Variants in LRRC74B observed in about 807,000 individuals in gnomAD.
LRRC74B encodes the protein leucine rich repeat containing 74B.
In LRRC74B, 30 loss-of-function variants were observed where a neutral mutation model predicts 16.6. The observed-to-expected ratio is 1.80, with a 90% confidence interval of 1.35 to 2.45. The LOEUF is 2.45. LRRC74B is among the 30% of genes most tolerant of loss of function. LRRC74B has a pLI of 0.00. For synonymous variants in LRRC74B, 134 were observed against 86.0 expected, an observed-to-expected ratio of 1.56 and a Z score of -3.09; for missense variants, 326 against 202.4, an observed-to-expected ratio of 1.61 and a Z score of -3.71.
rs773606608 is a variant in LRRC74B, at chr22:21,047,341, CCT to C, written c.140-14_140-13del. The stretch of plus-strand genomic sequence containing the variant: ...GCTGTGCAGGGTCCACATTCGTCCC[CCT>C]GTCTCCTGCCAGGCACCGATGGGCT... On this transcript the variant is annotated splice_polypyrimidine_tract_variant and intron_variant, in intron 1 of 8. Transcript: ENST00000442047. 94 of 716,656 alleles carry C rather than the reference CCT, an allele frequency of 1.3e-4. 3 individuals are homozygous for C. The South Asian group carries it at 1.3e-3, about 10-fold the overall frequency. 44.4% of individuals were successfully genotyped at this position (716,656 alleles called of 1,614,324 possible).
exon 2 of LRRC74B, chr22:21,047,463 G>C (rs753173050): frequency 3.8e-5 from 27 of 717,396 alleles, no homozygotes; most frequent in Non-Finnish European, 6.0e-5. Flanking sequence ...GAGCGCCCAA[G>C]AGCTGAACCT....
In LRRC74B at chr22:21,055,922, A is replaced by G. The variant is rs1265171507; in HGVS notation, c.927+746A>G. On this transcript the variant is annotated intron_variant, in intron 7 of 8. Coordinates refer to ENST00000442047, the Ensembl canonical transcript of LRRC74B. ...CAACCTGAACGCATACCCCCCTCTA[A>G]GGGCCACCTCCTGGTGGGGGGCTCC... Among the ~76,000 whole-genome samples the G allele has an allele frequency of 3.3e-5, 5 of 152,056 alleles. No homozygotes were observed. The East Asian group carries it at 7.7e-4, about 24-fold the overall frequency.
intron 1 of LRRC74B, among the ~76,000 whole-genome samples, 174 bp downstream of exon 1, chr22:21,046,299 T>C (rs917734713): frequency 7.4e-6 from 1 of 135,452 alleles, no homozygotes; most frequent in African/African-American, 2.7e-5. Flanking sequence ...AAATGCAAAA[T>C]CCCGCCAGAC....
At chr22:21,053,297 G>A (rs1281253903) in intron 5 of LRRC74B, 63 bp from the exon 6 acceptor site, 2 of 694,336 alleles carry the variant, frequency 2.9e-6, no homozygotes, top group East Asian at 2.7e-5. Flanking sequence ...CTCTGAGGCT[G>A]TGGCACCCTG....
chr22:21,051,574 C>T (rs1178962755), intron 4 of LRRC74B, among the ~76,000 whole-genome samples: 1 of 152,144 alleles, frequency 6.6e-6, no homozygotes, highest in East Asian at 1.9e-4. Context: ...GTCCCCCAGC[C>T]TCTTGCCTCT....
intron 6 of LRRC74B, 49 bp from the exon 7 acceptor site, chr22:21,055,049 C>T (rs1156408118): frequency 1.4e-5 from 10 of 711,622 alleles, no homozygotes; most frequent in African/African-American, 3.5e-5. Flanking sequence ...GGCTCTGCAC[C>T]GCTGCTTGGA....
intron 7 of LRRC74B, chr22:21,056,655 A>G (rs1280454818): frequency 5.8e-6 from 1 of 172,192 alleles, no homozygotes; most frequent in East Asian, 1.7e-4. Flanking sequence ...ACTATTTTTC[A>G]CCCCTGCCTT....
At chr22:21,053,908 T>G (rs1569199267) in intron 6 of LRRC74B, 1 of 153,918 alleles carries the variant, frequency 6.5e-6, no homozygotes, top group Non-Finnish European at 1.4e-5. Flanking sequence ...TCATCGTTGT[T>G]ACATAGAGAC....
At chr22:21,057,888 T>C (rs1699543144) in intron 8 of LRRC74B, among the ~76,000 whole-genome samples, 3 of 133,302 alleles carry the variant, frequency 2.3e-5, no homozygotes, top group Admixed American at 2.2e-4. Context: ...TCAATTTTGA[T>C]TTTTTTTTTT....
At chr22:21,055,664 C>G (rs981192108) in intron 7 of LRRC74B, among the ~76,000 whole-genome samples, 34 of 152,138 alleles carry the variant, frequency 2.2e-4, no homozygotes, top group African/African-American at 7.2e-4. Context: ...CAGGGGACCA[C>G]TGTGCCCACA....
chr22:21,048,214 C>A lies in LRRC74B; in HGVS notation c.415+198C>A, dbSNP rs1163260924. On this transcript the variant is annotated intron_variant, in intron 3 of 8. Transcript: ENST00000442047. ...GTGCAGCCGATGCCTGATAGAAGTC[C>A]TTTCCTCACCCACCCCACACCATCA... 1.9e-5 allele frequency: 11 copies of A among 576,012 alleles called. No homozygotes were observed. The East Asian group carries it at 3.3e-4, about 17-fold the overall frequency. 35.7% of individuals were successfully genotyped at this position (576,012 alleles called of 1,614,324 possible). A position where few individuals can be genotyped will look rare whatever the true frequency, so the allele number is the denominator to read the frequency against.
intron 4 of LRRC74B, among the ~76,000 whole-genome samples, chr22:21,050,033 G>A (rs542273452): frequency 6.6e-6 from 1 of 152,124 alleles, no homozygotes; most frequent in South Asian, 2.1e-4. Flanking sequence ...CAGGAGAATC[G>A]TCTTTTTATT....
intron 5 of LRRC74B, 25 bp downstream of exon 5, chr22:21,052,383 C>A: frequency 1.4e-6 from 1 of 717,002 alleles, no homozygotes. Context: ...CCTAGTCGGC[C>A]CTACAGCCTG....
chr22:21,063,023 C>G (rs1930885331), downstream of LRRC74B: 1 of 141,972 alleles, frequency 7.0e-6, no homozygotes, highest in African/African-American at 2.7e-5. Context: ...AGAGTGGGAA[C>G]CTGTCTCGAA....
chr22:21,048,189 G>A (rs1282463750), intron 3 of LRRC74B, 173 bp downstream of exon 3: 3 of 609,484 alleles, frequency 4.9e-6, no homozygotes, highest in African/African-American at 1.8e-5. Flanking sequence ...ACCCTCTGCT[G>A]TGCAGCCGAT....
Position 21,053,363 on chromosome 22 carries a change from A to G in LRRC74B, c.736A>G (p.Asn246Asp), listed in dbSNP as rs747664013. ...ACTTCACTCTTTGGTATTCTAGGCA[A>G]ACATCTTCCTTAAAGTTCTAGACAT... Residue 246 changes from asparagine (N) to aspartate (D), a missense_variant, in exon 6 of 9, where the codon AAC becomes GAC. Transcript: ENST00000442047. 1.1e-4 allele frequency: 77 copies of G among 716,778 alleles called. 1 individual carries two copies. In the East Asian group the frequency reaches 2.1e-3, roughly 19 times the overall value. 44.4% of individuals were successfully genotyped at this position (716,778 alleles called of 1,614,324 possible).
intron 4 of LRRC74B, among the ~76,000 whole-genome samples, chr22:21,050,225 T>C (rs369545001): frequency 7.4e-4 from 113 of 152,070 alleles, no homozygotes; most frequent in South Asian, 1.9e-3. Flanking sequence ...TTAGTAGAGA[T>C]GGGGTTTCAC....
chr22:21,046,785 C>A (rs1310119131), intron 1 of LRRC74B, among the ~76,000 whole-genome samples: 1 of 152,008 alleles, frequency 6.6e-6, no homozygotes, highest in Admixed American at 6.6e-5. Flanking sequence ...GAGACCACCA[C>A]GTCTGGCTAA....
At chr22:21,048,735 A>C in intron 3 of LRRC74B, 1 of 578,110 alleles carries the variant, frequency 1.7e-6, no homozygotes, top group Non-Finnish European at 3.1e-6. Context: ...AGGCGGTTTT[A>C]ACCACTTGAC....
Sources: allele counts gnomAD v4.1 joint callset (sites outside exome capture counted in the v4.1 genomes callset), GRCh38; gene constraint gnomAD v4.1.1; transcripts MANE v1.5; gene names NCBI Gene and HGNC (gene_info 2026-07-23, HGNC 2026-07-21).